The following TTLL5 variants were observed in gnomAD, a reference collection of about 807,000 sequenced individuals.
The protein encoded by TTLL5 is tubulin tyrosine ligase like 5, also known as tubulin polyglutamylase TTLL5.
Under a neutral mutation model 168.4 loss-of-function variants are expected in TTLL5, and 132 were observed. The observed-to-expected ratio is 0.78, with a 90% CI of 0.68 to 0.91. The LOEUF (loss-of-function observed/expected upper bound fraction) is 0.91. Among genes scored for constraint, TTLL5 ranks in the 40% least tolerant of loss-of-function variants. The pLI, the probability that TTLL5 is intolerant of heterozygous loss-of-function variation, is 0.00. For missense variants in TTLL5, 1,545 were observed against 1,581.5 expected (o/e 0.98, Z 0.39); for synonymous variants, 546 against 558.6 (o/e 0.98, Z 0.32).
At chr14:75,813,206 G>GTA (rs1894160467) in intron 27 of TTLL5, among the ~76,000 whole-genome samples, 2 of 150,272 alleles carry the variant, frequency 1.3e-5, no homozygotes, top group Non-Finnish European at 3.0e-5. Context: ...GTGTGTGTGT[G>GTA]TGTGTGTGTG....
chr14:75,914,619 G>GGT (rs2033534808), intron 31 of TTLL5, among the ~76,000 whole-genome samples: 1 of 96,068 alleles, frequency 1.0e-5, no homozygotes, highest in Non-Finnish European at 2.0e-5. Context: ...CACTACTCTT[G>GGT]TTTTTTTTTT....
At chr14:75,831,615 A>C (rs1221550807) in intron 28 of TTLL5, among the ~76,000 whole-genome samples, 1 of 152,136 alleles carries the variant, frequency 6.6e-6, no homozygotes, top group Non-Finnish European at 1.5e-5. Flanking sequence ...GGTTACGTGT[A>C]CTAGCTCCCA....
At chr14:75,748,861 A>T (rs1889777155) in intron 17 of TTLL5, among the ~76,000 whole-genome samples, 1 of 152,130 alleles carries the variant, frequency 6.6e-6, no homozygotes, top group African/African-American at 2.4e-5. Flanking sequence ...AGTAAGGTTG[A>T]CACTCTTTGT....
intron 2 of TTLL5, among the ~76,000 whole-genome samples, chr14:75,664,559 G>A (rs1426070804): frequency 6.6e-6 from 1 of 152,164 alleles, no homozygotes; most frequent in Non-Finnish European, 1.5e-5. Flanking sequence ...TGAATTTATG[G>A]TGGGCTTCTT....
chr14:75,780,267 C>T (rs1223724946), intron 24 of TTLL5, among the ~76,000 whole-genome samples: 5 of 152,144 alleles, frequency 3.3e-5, no homozygotes, highest in African/African-American at 1.2e-4. Context: ...AATTCTTTGT[C>T]GTGTGGGGCT....
chr14:75,716,372 G>GT (rs1224566152), intron 9 of TTLL5, among the ~76,000 whole-genome samples: 1 of 151,966 alleles, frequency 6.6e-6, no homozygotes, highest in Non-Finnish European at 1.5e-5. Context: ...GTTTATTTTA[G>GT]TTTTTTGGGT....
At chr14:75,903,369 A>T (rs1033307779) in intron 31 of TTLL5, among the ~76,000 whole-genome samples, 1 of 151,988 alleles carries the variant, frequency 6.6e-6, no homozygotes, top group Non-Finnish European at 1.5e-5. Context: ...ACCGGGGGGA[A>T]GTGAAAACGT....
chr14:75,755,269 AAATAATAATAAT>A (rs71119390), intron 18 of TTLL5, among the ~76,000 whole-genome samples: 3,622 of 47,898 alleles, frequency 0.076, 70 homozygotes, highest in Middle Eastern at 0.23. Context: ...CTGTCTCCAA[AAATAATAATAAT>A]AATAATAATA....
At position 75,669,431 on chromosome 14, in the gene TTLL5, C is replaced by T. The variant is rs755062462; in HGVS notation, c.90C>T (p.Ile30=). ...EVISQEDHPC[I]MWTGGCRRIP... Reference sequence around the variant, plus strand: ...GTCGTTATAGGGATCATCCATGCATCATGTGGACTGGAGGCTGCAGGAGAA... The same window carrying T: ...GTCGTTATAGGGATCATCCATGCATTATGTGGACTGGAGGCTGCAGGAGAA... Residue 30 remains isoleucine, a synonymous_variant, in exon 3 of 32, where the codon ATC becomes ATT. Transcript: ENST00000298832. 5 of 1,613,980 alleles carry T rather than the reference C, an allele frequency of 3.1e-6. No individual in the cohort carries two copies. Among genetic ancestry groups the T allele is most frequent in the Non-Finnish European group, 4.2e-6 (5 of 1,179,878 alleles).
At chr14:75,721,659 G>A (rs1010513578) in intron 12 of TTLL5, among the ~76,000 whole-genome samples, 4 of 152,140 alleles carry the variant, frequency 2.6e-5, no homozygotes, top group Non-Finnish European at 5.9e-5. Flanking sequence ...ACTATAAAAT[G>A]GCAGTAATGG....
intron 28 of TTLL5, chr14:75,838,562 A>C (rs1896014454): frequency 7.0e-6 from 1 of 143,124 alleles, no homozygotes; most frequent in Non-Finnish European, 1.5e-5. Flanking sequence ...ACTCCGTCTC[A>C]AAAAAAAAAA....
intron 31 of TTLL5, among the ~76,000 whole-genome samples, chr14:75,949,501 T>C (rs1456169321): frequency 6.7e-6 from 1 of 149,332 alleles, no homozygotes; most frequent in East Asian, 1.9e-4. Context: ...TATAAAACCT[T>C]ACCAAGAGAT....
At chr14:75,741,884 T>TTTA (rs2140251537) in intron 15 of TTLL5, among the ~76,000 whole-genome samples, 1 of 152,236 alleles carries the variant, frequency 6.6e-6, no homozygotes, top group East Asian at 1.9e-4. Flanking sequence ...GCAGAGAAGT[T>TTTA]TTAAGAGTTT....
intron 3 of TTLL5, among the ~76,000 whole-genome samples, chr14:75,673,977 C>T (rs1883948572): frequency 6.6e-6 from 1 of 152,176 alleles, no homozygotes; most frequent in Non-Finnish European, 1.5e-5. Context: ...AATATTCCCC[C>T]CAAACATACT....
chr14:75,899,851 C>T (rs557230990), intron 30 of TTLL5, among the ~76,000 whole-genome samples: 16 of 152,088 alleles, frequency 1.1e-4, no homozygotes, highest in African/African-American at 3.4e-4. Flanking sequence ...GTCTAAGCCC[C>T]CAGGGACTCT....
intron 30 of TTLL5, among the ~76,000 whole-genome samples, chr14:75,890,698 A>G (rs184543598): frequency 1.3e-5 from 2 of 151,976 alleles, no homozygotes; most frequent in Non-Finnish European, 2.9e-5. Flanking sequence ...TCTTCAAACT[A>G]TTTTTCTGAA....
chr14:75,687,019 A>G (rs140132550), intron 5 of TTLL5, among the ~76,000 whole-genome samples: 1 of 152,300 alleles, frequency 6.6e-6, no homozygotes. Flanking sequence ...TTTTGGGTAT[A>G]TTTATCAACA....
Position 75,902,187 on chromosome 14 carries a change from T to A in TTLL5, c.3786T>A (p.Leu1262=). 6.2e-7 allele frequency: 1 copy of A among 1,614,162 alleles called. No homozygotes were observed. Among genetic ancestry groups the A allele is most frequent in the South Asian group, 1.1e-5 (1 of 91,086 alleles). ...EGQLNGLQSS[L]NPAAFVPITS... ...AGCTGAATGGACTCCAGAGCAGCCT[T>A]AACCCTGCAGCCTTTGTGCCCATCA... Residue 1262 remains leucine, a synonymous_variant, in exon 31 of 32, where the codon CTT becomes CTA. Transcript: ENST00000298832.
chr14:75,832,164 A>T (rs919586122), intron 28 of TTLL5, among the ~76,000 whole-genome samples: 3 of 152,164 alleles, frequency 2.0e-5, no homozygotes, highest in African/African-American at 7.2e-5. Flanking sequence ...CTTGCTCACC[A>T]TTGGCTCCTT....
Sources: gnomAD v4.1 joint callset for allele counts (sites outside exome capture counted in the v4.1 genomes callset) on GRCh38, gnomAD v4.1.1 for gene constraint, MANE v1.5 for transcripts, NCBI Gene and HGNC (gene_info 2026-07-23, HGNC 2026-07-21) for gene names.